AOPEP: variants seen among roughly 807,000 people sequenced by gnomAD.
AOPEP encodes the protein aminopeptidase O (putative), also known as aminopeptidase O.
Under a neutral mutation model 98.1 loss-of-function variants are expected in AOPEP, and 77 were observed. The ratio of observed to expected loss-of-function variants is 0.78; its 90% CI spans 0.65 to 0.95. The LOEUF is 0.95. AOPEP is among the 40% of genes least tolerant of loss of function. The probability of loss-of-function intolerance (pLI) is 0.00; values close to 1 mark genes in which losing one functional copy is unlikely to be tolerated. For synonymous variants in AOPEP, 346 were observed against 365.3 expected, an observed-to-expected ratio of 0.95 and a Z score of 0.60; for missense variants, 1,024 against 1,024.7, an observed-to-expected ratio of 1.00 and a Z score of 0.01.
At chr9:94,741,342 G>C (rs907270344) in intron 1 of AOPEP, among the ~76,000 whole-genome samples, 16 of 151,366 alleles carry the variant, frequency 1.1e-4, no homozygotes, top group Admixed American at 4.0e-4. Context: ...GTGCGATCTC[G>C]GCTCACTGCA....
intron 9 of AOPEP, among the ~76,000 whole-genome samples, chr9:94,963,618 G>T (rs914559683): frequency 6.6e-6 from 1 of 151,876 alleles, no homozygotes; most frequent in African/African-American, 2.4e-5. Flanking sequence ...GGGAGTGGGG[G>T]TGGGCTTTGG....
intron 5 of AOPEP, among the ~76,000 whole-genome samples, chr9:94,867,685 A>G (rs1234310101): frequency 1.3e-5 from 2 of 152,142 alleles, no homozygotes; most frequent in East Asian, 1.9e-4. Flanking sequence ...CCCTTTGCAA[A>G]CACCTTGGCC....
rs1016255901 is a variant in AOPEP, at chr9:95,082,718, A to G, written c.*3A>G. On this transcript the variant is annotated splice_region_variant and 3_prime_UTR_variant, in exon 16 of 17. Transcript: ENST00000375315. ...TGGTGGCCGAAATGTTATTTTAACG[A>G]GGTGATTCTCTCCCTTTCCTTTCTG... 1.9e-6 allele frequency: 3 copies of G among 1,614,142 alleles called. No homozygotes were observed. Among genetic ancestry groups the G allele is most frequent in the Non-Finnish European group, 2.5e-6 (3 of 1,179,998 alleles).
chr9:94,899,352 T>G (rs1358452240), intron 5 of AOPEP, among the ~76,000 whole-genome samples: 3 of 135,634 alleles, frequency 2.2e-5, no homozygotes, highest in Non-Finnish European at 4.7e-5. Flanking sequence ...GCCCGGCTAT[T>G]TTTTTTTTTT....
intron 5 of AOPEP, among the ~76,000 whole-genome samples, chr9:94,922,344 G>A (rs573264271): frequency 1.3e-5 from 2 of 152,278 alleles, no homozygotes; most frequent in East Asian, 1.9e-4. Context: ...AAGGACGTGC[G>A]TGTCTGTCTT....
chr9:95,118,347 G>A, the AOPEP span, among the ~76,000 whole-genome samples: 2 of 152,232 alleles, frequency 1.3e-5, no homozygotes, highest in African/African-American at 4.8e-5. Context: ...AACAACAAAA[G>A]TGTAAAACTG....
At chr9:95,070,481 T>C (rs1587902093) in intron 14 of AOPEP, among the ~76,000 whole-genome samples, 1 of 152,218 alleles carries the variant, frequency 6.6e-6, no homozygotes, top group Non-Finnish European at 1.5e-5. Context: ...CTTCCTGTTA[T>C]AAATAGGACT....
intron 7 of AOPEP, among the ~76,000 whole-genome samples, chr9:94,949,412 C>T (rs2057936862): frequency 6.6e-6 from 1 of 152,192 alleles, no homozygotes; most frequent in South Asian, 2.1e-4. Context: ...TATGGGTACC[C>T]ACCACTGGGT....
chr9:94,745,112 A>G (rs80297204), intron 1 of AOPEP, among the ~76,000 whole-genome samples: 9,934 of 152,148 alleles, frequency 0.065, 1,069 homozygotes, highest in African/African-American at 0.23. Flanking sequence ...TCTAAAATGC[A>G]AAACAAATTA....
chr9:95,025,253 TCTTC>T (rs2063753351), intron 13 of AOPEP, among the ~76,000 whole-genome samples: 1 of 152,224 alleles, frequency 6.6e-6, no homozygotes, highest in African/African-American at 2.4e-5. Context: ...TTGTCCTTGT[TCTTC>T]CTTCTCCCGT....
At chr9:94,858,064 G>C (rs2044451631) in intron 5 of AOPEP, among the ~76,000 whole-genome samples, 2 of 150,390 alleles carry the variant, frequency 1.3e-5, no homozygotes, top group African/African-American at 4.9e-5. Context: ...CTGGCCTGAA[G>C]CATTTCTAGT....
intron 13 of AOPEP, among the ~76,000 whole-genome samples, chr9:95,033,210 C>T (rs2064472893): frequency 6.6e-6 from 1 of 152,136 alleles, no homozygotes; most frequent in African/African-American, 2.4e-5. Context: ...CCTCATTTCA[C>T]CTCTTCTTTT....
intron 14 of AOPEP, among the ~76,000 whole-genome samples, chr9:95,080,012 C>T (rs1046600427): frequency 2.6e-5 from 4 of 152,300 alleles, no homozygotes; most frequent in African/African-American, 9.6e-5. Flanking sequence ...GCTGCAGGAA[C>T]TTAAGGAGTG....
rs3992777 is a variant in AOPEP at position 94,962,730 on chromosome 9, C to CTTTT, written c.1873-5011_1873-5008dup. ...CTGTCCAGCATTTCAATATTATCAT[C>CTTTT]TTTTTTTTTTTTTTTTTTTTGAGAC... On this transcript the variant is annotated intron_variant, in intron 9 of 16. Transcript: ENST00000375315. Among the ~76,000 whole-genome samples, 123 of 129,732 alleles carry CTTTT rather than the reference C, an allele frequency of 9.5e-4. 2 individuals are homozygous for CTTTT. Among genetic ancestry groups the CTTTT allele is most frequent in the African/African-American group, 3.5e-3 (114 of 32,224 alleles). 85.1% of individuals were successfully genotyped at this position (129,732 alleles called of 152,430 possible).
downstream of AOPEP, among the ~76,000 whole-genome samples, chr9:95,087,482 CAAAAAAAAAAAAAAAA>C (rs746666179): frequency 2.7e-4 from 10 of 37,438 alleles, no homozygotes; most frequent in Admixed American, 5.4e-4. Context: ...GACTCCATCT[CAAAAAAAAAAAAAAAA>C]AAAAAAAAAA....
chr9:95,038,759 T>C (rs768740041), intron 13 of AOPEP, among the ~76,000 whole-genome samples: 2 of 152,330 alleles, frequency 1.3e-5, no homozygotes, highest in Non-Finnish European at 2.9e-5. Context: ...CATCTTCTTA[T>C]TGCTAGCAGC....
chr9:94,924,154 G>A lies in AOPEP; in HGVS notation c.1533G>A (p.Val511=). 6.9e-7 allele frequency: 1 copy of A among 1,443,076 alleles called. No individual in the cohort carries two copies. Among genetic ancestry groups the A allele is most frequent in the African/African-American group, 1.4e-5 (1 of 69,282 alleles). The allele number at this position is 1,443,076 out of a possible 1,614,324, so 89.4% of individuals were successfully genotyped here. A position where few individuals can be genotyped will look rare whatever the true frequency, so the allele number is the denominator to read the frequency against. ...SEGFATHLED[V]FWATAQQLAP... ...GCTTCGCCACTCACTTGGAGGATGT[G>A]TTTTGGGCCACAGCACAGCAGGTGG... is the stretch of plus-strand genomic sequence containing the variant. The change falls in exon 6 of 17, where the codon GTG becomes GTA. Residue 511 remains valine (V), a synonymous_variant. Transcript: ENST00000375315.
intron 13 of AOPEP, among the ~76,000 whole-genome samples, chr9:95,032,427 A>T (rs1427033976): frequency 6.6e-6 from 1 of 152,252 alleles, no homozygotes; most frequent in Non-Finnish European, 1.5e-5. Context: ...CAGATATGTT[A>T]TCTGTTAAGT....
intron 3 of AOPEP, among the ~76,000 whole-genome samples, chr9:94,774,853 C>G (rs773830406): frequency 6.6e-6 from 1 of 152,158 alleles, no homozygotes; most frequent in African/African-American, 2.4e-5. Flanking sequence ...GAACTTTGCT[C>G]ATCTGATAGG....
Sources: gnomAD v4.1 joint callset for allele counts (sites outside exome capture counted in the v4.1 genomes callset) on GRCh38, gnomAD v4.1.1 for gene constraint, MANE v1.5 for transcripts, NCBI Gene and HGNC (gene_info 2026-07-23, HGNC 2026-07-21) for gene names.